The following TENM3 variants were observed in gnomAD, a reference collection of about 807,000 sequenced individuals.
TENM3 encodes teneurin-3.
Under a neutral mutation model 255.1 loss-of-function variants are expected in TENM3, and 63 were observed. The observed-to-expected ratio is 0.25, with a 90% CI of 0.20 to 0.30. The LOEUF (loss-of-function observed/expected upper bound fraction) is 0.30, where lower values mean the gene tolerates loss of function less well. Among genes scored for constraint, TENM3 ranks in the 10% least tolerant of loss-of-function variants. TENM3 has a pLI of 1.00. For missense variants in TENM3, 2,929 were observed against 3,461.1 expected, an observed-to-expected ratio of 0.85 and a Z score of 3.86; for synonymous variants, 1,306 against 1,322.3, an observed-to-expected ratio of 0.99 and a Z score of 0.27.
chr4:182,086,818 C>T, the TENM3 span, among the ~76,000 whole-genome samples: 2 of 152,106 alleles, frequency 1.3e-5, no homozygotes, highest in East Asian at 1.9e-4. Context: ...CTCTGGGGAA[C>T]GTAAAAGACA....
chr4:182,322,411 C>T (rs1444691255), intron 1 of TENM3, among the ~76,000 whole-genome samples: 1 of 152,154 alleles, frequency 6.6e-6, no homozygotes, highest in Admixed American at 6.5e-5. Context: ...GAAGACATAG[C>T]AGGGAGGAAC....
chr4:182,544,759 C>T (rs562014605), intron 3 of TENM3, among the ~76,000 whole-genome samples: 11 of 152,262 alleles, frequency 7.2e-5, no homozygotes, highest in African/African-American at 2.2e-4. Flanking sequence ...AGAACCTATG[C>T]GTTGGCTTGA....
At chr4:182,686,343 G>T (rs1756570931) in intron 11 of TENM3, among the ~76,000 whole-genome samples, 1 of 152,020 alleles carries the variant, frequency 6.6e-6, no homozygotes, top group Non-Finnish European at 1.5e-5. Context: ...ATCTGGTCTT[G>T]TGTACCTCAA....
Position 182,563,946 on chromosome 4 carries a change from A to G in TENM3, c.512-36978A>G, listed in dbSNP as rs530455584. ...TCTTCCATGCAGGTCTTCATGGTTC[A>G]TGTTTCAACTACCACCAGATCCTTC... On this transcript the variant is annotated intron_variant, in intron 3 of 27. Coordinates refer to ENST00000511685, the MANE Select transcript of TENM3 (RefSeq NM_001080477.4). 2.6e-5 allele frequency among the ~76,000 whole-genome samples: 4 copies of G among 152,246 alleles called. No homozygotes were observed. The South Asian group carries it at 8.3e-4, about 32-fold the overall frequency.
chr4:182,067,730 C>A, the TENM3 span, among the ~76,000 whole-genome samples: 2 of 152,204 alleles, frequency 1.3e-5, no homozygotes, highest in African/African-American at 4.8e-5. Context: ...TGTGGAGGGA[C>A]TCCCTTGCTC....
At chr4:181,962,879 G>T in the TENM3 span, among the ~76,000 whole-genome samples, 2 of 152,124 alleles carry the variant, frequency 1.3e-5, no homozygotes, top group African/African-American at 4.8e-5. Context: ...TAAATGGTAC[G>T]TAAAATTTCA....
upstream of TENM3, among the ~76,000 whole-genome samples, chr4:182,140,959 A>G (rs1431421545): frequency 6.6e-6 from 1 of 151,728 alleles, no homozygotes. Flanking sequence ...CTTCCCCAAA[A>G]TGAATCCAGA....
At chr4:182,360,004 G>A (rs1302254845) in intron 3 of TENM3, among the ~76,000 whole-genome samples, 3 of 152,166 alleles carry the variant, frequency 2.0e-5, no homozygotes, top group Admixed American at 6.5e-5. Context: ...GGAGCAAGTT[G>A]TTCAGTTTCC....
the TENM3 span, among the ~76,000 whole-genome samples, chr4:181,983,077 T>C: frequency 1.9e-4 from 29 of 152,240 alleles, no homozygotes; most frequent in African/African-American, 6.3e-4. Context: ...TTGAATGCAA[T>C]ACTGTTTAAT....
upstream of TENM3, chr4:182,143,993 G>A (rs1158893512): frequency 1.3e-5 from 2 of 152,598 alleles, no homozygotes; most frequent in Non-Finnish European, 2.9e-5. This position sits in a 1 kb window ranked among gnomAD's most constrained non-coding sequence, Gnocchi z 4.3. Context: ...ACAGAAAAAG[G>A]CAGTAAACGG....
the TENM3 span, among the ~76,000 whole-genome samples, chr4:181,826,502 A>G: frequency 6.6e-6 from 1 of 152,146 alleles, no homozygotes; most frequent in Non-Finnish European, 1.5e-5. Flanking sequence ...TTCCCATCTC[A>G]TGTCAGTCAA....
the TENM3 span, among the ~76,000 whole-genome samples, chr4:181,837,705 G>T: frequency 1.3e-5 from 2 of 152,166 alleles, no homozygotes; most frequent in Non-Finnish European, 2.9e-5. Flanking sequence ...TCAAAAGAAA[G>T]ATCTTTCTGT....
At chr4:182,772,736 TTGTC>T (rs1764352401) in intron 22 of TENM3, 1 of 152,010 alleles carries the variant, frequency 6.6e-6, no homozygotes, top group Non-Finnish European at 1.5e-5. Flanking sequence ...ACTCTTGTAT[TTGTC>T]TGCTAAAAAG....
At chr4:182,476,269 C>T (rs1197801714) in intron 3 of TENM3, among the ~76,000 whole-genome samples, 1 of 152,132 alleles carries the variant, frequency 6.6e-6, no homozygotes, top group East Asian at 1.9e-4. Context: ...AGGCAGAAAA[C>T]AGATGTATTT....
chr4:182,297,042 A>C (rs144278081), intron 1 of TENM3, among the ~76,000 whole-genome samples: 56 of 152,364 alleles, frequency 3.7e-4, no homozygotes, highest in African/African-American at 1.3e-3. Context: ...TAATCTCTTT[A>C]AACCTTTGTC....
intron 3 of TENM3, among the ~76,000 whole-genome samples, chr4:182,478,436 G>T (rs1733885458): frequency 6.6e-6 from 1 of 151,536 alleles, no homozygotes; most frequent in Non-Finnish European, 1.5e-5. Flanking sequence ...AAAAATTTGA[G>T]TTTCATATGT....
chr4:181,873,604 A>T, the TENM3 span, among the ~76,000 whole-genome samples: 1 of 152,032 alleles, frequency 6.6e-6, no homozygotes, highest in Non-Finnish European at 1.5e-5. Flanking sequence ...GTCATTAGAG[A>T]TGTACTTTGT....
At chr4:182,697,102 C>T (rs908692408) in intron 12 of TENM3, among the ~76,000 whole-genome samples, 5 of 152,172 alleles carry the variant, frequency 3.3e-5, no homozygotes, top group African/African-American at 1.2e-4. Flanking sequence ...ACACAGTAAA[C>T]ACCCTATAGA....
At chr4:182,590,779 G>T (rs1335013368) in intron 3 of TENM3, among the ~76,000 whole-genome samples, 1 of 151,338 alleles carries the variant, frequency 6.6e-6, no homozygotes, top group South Asian at 2.1e-4. Flanking sequence ...AACCTCAGAG[G>T]CGGAGGTTGC....
Sources: allele counts gnomAD v4.1 joint callset (sites outside exome capture counted in the v4.1 genomes callset), GRCh38; gene constraint gnomAD v4.1.1; non-coding constraint Gnocchi (gnomAD v3.1); transcripts MANE v1.5; gene names NCBI Gene and HGNC (gene_info 2026-07-23, HGNC 2026-07-21).